CATSPER1: variants seen among roughly 807,000 people sequenced by gnomAD.
CATSPER1 encodes the protein cation channel sperm-associated protein 1.
A neutral mutation model predicts 72.7 loss-of-function variants in CATSPER1; 57 were observed. That is an observed-to-expected ratio of 0.78 (90% CI 0.63 to 0.98). The LOEUF (loss-of-function observed/expected upper bound fraction) is 0.98. CATSPER1 is among the 50% of genes least tolerant of loss of function. The pLI is 0.00. For missense variants in CATSPER1, 910 were observed against 1,033.9 expected (o/e 0.88, Z 1.64); for synonymous variants, 363 against 403.0 (o/e 0.90, Z 1.19).
rs1856329868 is a variant in CATSPER1, at chr11:66,020,284, G to GATCTGGTCC, written c.2064+24_2064+32dup. The GATCTGGTCC allele has an allele frequency of 6.2e-7, 1 of 1,613,990 alleles. No homozygotes were observed. The highest frequency in any genetic ancestry group is 1.3e-5 in the African/African-American group (1 of 75,050). On this transcript the variant is annotated intron_variant, in intron 8 of 11. Transcript: ENST00000312106. This position sits in a 1 kb window ranked among gnomAD's most constrained non-coding sequence, Gnocchi z 4.5. ...CCTGGCCTCACTCCTCCAGCTTCCT[G>GATCTGGTCC]ATCTGGTCCACCTGTCCCACCCCAC...
Position 66,020,245 on chromosome 11 carries a change from C to T in CATSPER1, c.2065-45G>A. 1 of 1,614,020 alleles carries T rather than the reference C, an allele frequency of 6.2e-7. No individual in the cohort carries two copies. The highest frequency in any genetic ancestry group is 1.3e-5 in the African/African-American group (1 of 75,052). On this transcript the variant is annotated intron_variant, in intron 8 of 11. Transcript: ENST00000312106. The surrounding 1 kb of genome is among the most constrained non-coding windows in gnomAD (Gnocchi z 4.5). Reference sequence around the variant, plus strand: ...GATCTGCCAGAGTCCCAGGCCTGCTCAACCCTGGAGGCCCCTGGCCTCACT... The same window carrying T: ...GATCTGCCAGAGTCCCAGGCCTGCTTAACCCTGGAGGCCCCTGGCCTCACT...
At position 66,026,108 on chromosome 11, in the gene CATSPER1, T is replaced by C. The variant is rs778740122; in HGVS notation, c.272A>G (p.His91Arg). ...AGCCAGACCAAAGCCTGTGGGGCCA[T>C]GGGCTCTGCCGTGATTCCGTGCCTC... is the stretch of plus-strand genomic sequence containing the variant. The part of the protein sequence containing the change: ...HSEARNHGRA[H>R]GPTGFGLAPS... The change falls in exon 1 of 12, where the codon CAT becomes CGT. Residue 91 changes from histidine to arginine, a missense_variant. His to Arg is a conservative substitution (Grantham distance 29). Transcript: ENST00000312106. The C allele has an allele frequency of 1.6e-5, 26 of 1,611,600 alleles. No individual in the cohort carries two copies. The highest frequency in any genetic ancestry group is 2.0e-5 in the Non-Finnish European group (24 of 1,177,992).
chr11:66,025,265 G>A lies in CATSPER1; in HGVS notation c.1115C>T (p.Ser372Leu), dbSNP rs766186144. 2.5e-6 allele frequency: 4 copies of A among 1,614,204 alleles called. No individual in the cohort carries two copies. In the Admixed American group the frequency reaches 6.7e-5, roughly 27 times the overall value. The part of the protein sequence containing the change: ...SMTRSSSTIR[S>L]RVTQMSKKVH... ...TTTTTTGGACATCTGGGTGACACGT[G>A]AGCGGATTGTGCTGGAGGACCGAGT... The change falls in exon 1 of 12, where the codon TCA becomes TTA. Residue 372 changes from serine to leucine, a missense_variant. Ser to Leu is a moderately radical substitution (Grantham distance 145). Coordinates refer to ENST00000312106, the MANE Select transcript of CATSPER1 (RefSeq NM_053054.4).
At chr11:66,022,717 GCCATCTACTTC>G in intron 2 of CATSPER1, 121 bp downstream of exon 2, 1 of 829,798 alleles carries the variant, frequency 1.2e-6, no homozygotes, top group Non-Finnish European at 2.0e-6. Flanking sequence ...ACTGGGTAAG[GCCATCTACTTC>G]CCAGGGGTGA....
intron 1 of CATSPER1, 42 bp from the exon 2 acceptor site, chr11:66,023,103 G>A (rs1590685149): frequency 1.3e-6 from 2 of 1,573,472 alleles, no homozygotes; most frequent in Non-Finnish European, 8.7e-7. Context: ...GTGCAAGAGG[G>A]GACACGAGGT....
In CATSPER1 at chr11:66,021,128, G is replaced by A. The variant is rs773003205; in HGVS notation, c.1749C>T (p.Ile583=). ...TAAACATGAGGATGAGGATGGCTGC[G>A]ATGGACGGCAAGGACTGGCCCAGGG... The part of the protein sequence containing the change: ...TGTLGQSLPS[I]AAILILMFTC... The change falls in exon 5 of 12, where the codon ATC becomes ATT. Residue 583 remains isoleucine, a synonymous_variant. Coordinates refer to ENST00000312106, the MANE Select transcript of CATSPER1 (RefSeq NM_053054.4). The A allele has an allele frequency of 2.5e-6, 4 of 1,613,236 alleles. No homozygotes were observed. The highest frequency in any genetic ancestry group is 2.2e-5 in the East Asian group (1 of 44,864).
At position 66,025,857 on chromosome 11, in the gene CATSPER1, G is replaced by A. The variant is rs1251954543; in HGVS notation, c.523C>T (p.His175Tyr). ...CCATGGGGGAGGTAGGACCCACCAT[G>A]GTGGGAAGCCTCACCGTGGTGGGGC... is the stretch of plus-strand genomic sequence containing the variant. ...GVPHHGEASH[H>Y]GGSYLPHGPN... is the part of the protein sequence containing the mutation. Residue 175 changes from histidine (H) to tyrosine (Y), a missense_variant, in exon 1 of 12, where the codon CAT becomes TAT. Physicochemically the swap from His to Tyr is moderately conservative, Grantham distance 83 (BLOSUM62 2). Transcript: ENST00000312106. The A allele has an allele frequency of 1.2e-6, 2 of 1,613,322 alleles. No individual in the cohort carries two copies. Among genetic ancestry groups the A allele is most frequent in the African/African-American group, 2.7e-5 (2 of 74,694 alleles).
chr11:66,023,113 T>C (rs528000865), intron 1 of CATSPER1, 52 bp from the exon 2 acceptor site: 1 of 1,525,658 alleles, frequency 6.6e-7, no homozygotes, highest in South Asian at 1.1e-5. Context: ...GGACACGAGG[T>C]CCCAGGCACC....
rs561090554 is a variant in CATSPER1 at position 66,018,749 on chromosome 11, C to G, written c.2201+78G>C. On this transcript the variant is annotated intron_variant, in intron 10 of 11. Transcript: ENST00000312106. Reference sequence around the variant, plus strand: ...CCTTCTAGAGGGGCAGGCAATGTCCCTTTCCCTCCAGCCCTCCAGCCAGGC... The same window carrying G: ...CCTTCTAGAGGGGCAGGCAATGTCCGTTTCCCTCCAGCCCTCCAGCCAGGC... 58 of 1,490,976 alleles carry G rather than the reference C, an allele frequency of 3.9e-5. No individual in the cohort carries two copies. In the African/African-American group the frequency reaches 7.4e-4, roughly 19 times the overall value. The allele number at this position is 1,490,976 out of a possible 1,614,324, so 92.4% of individuals were successfully genotyped here.
In CATSPER1 at chr11:66,016,858, G is replaced by C; in HGVS notation, c.*32C>G. On this transcript the variant is annotated 3_prime_UTR_variant, in exon 12 of 12. Transcript: ENST00000312106. ...GCACCCAGGTGGGCAGACTGCCAGG[G>C]GCTGAAGTCTGTATCTGGTGTCCTC... 1 of 1,610,386 alleles carries C rather than the reference G, an allele frequency of 6.2e-7. No individual in the cohort carries two copies. The highest frequency in any genetic ancestry group is 1.3e-5 in the African/African-American group (1 of 74,966).
intron 9 of CATSPER1, among the ~76,000 whole-genome samples, chr11:66,019,774 G>A (rs1444626758): frequency 6.6e-6 from 1 of 151,864 alleles, no homozygotes; most frequent in Non-Finnish European, 1.5e-5. Flanking sequence ...AACATTAGGC[G>A]AGTGTGCTGG....
chr11:66,018,640 A>G, intron 10 of CATSPER1, 187 bp downstream of exon 10: 1 of 632,498 alleles, frequency 1.6e-6, no homozygotes, highest in Non-Finnish European at 2.8e-6. Context: ...GCCAGGTGGC[A>G]CACACACCTC....
intron 1 of CATSPER1, among the ~76,000 whole-genome samples, chr11:66,023,620 G>A (rs556251532): frequency 3.3e-5 from 5 of 151,832 alleles, no homozygotes; most frequent in African/African-American, 1.2e-4. Context: ...TGAGGCAGGC[G>A]GATCACTGGA....
Position 66,017,183 on chromosome 11 carries a change from G to T in CATSPER1, c.2202-9C>A. 1.2e-5 allele frequency: 18 copies of T among 1,516,480 alleles called. No individual in the cohort carries two copies. The highest frequency in any genetic ancestry group is 3.5e-5 in the South Asian group (3 of 85,380). The allele number at this position is 1,516,480 out of a possible 1,614,324, so 93.9% of individuals were successfully genotyped here. A position where few individuals can be genotyped will look rare whatever the true frequency, so the allele number is the denominator to read the frequency against. The stretch of plus-strand genomic sequence containing the variant: ...ACAGGAGCTCCTGCTGCCTGCGGGT[G>T]GGCGGGGGGGTCGCAGAGACAGGGG... On this transcript the variant is annotated splice_polypyrimidine_tract_variant and intron_variant, in intron 10 of 11. Coordinates refer to ENST00000312106, the MANE Select transcript of CATSPER1 (RefSeq NM_053054.4).
In CATSPER1 at chr11:66,019,650, G is replaced by A. The variant is rs528042409; in HGVS notation, c.2125+490C>T. 7.8e-4 allele frequency among the ~76,000 whole-genome samples: 119 copies of A among 152,144 alleles called. 1 individual carries two copies. The highest frequency in any genetic ancestry group is 2.6e-3 in the African/African-American group (108 of 41,518). ...CACACCTGCAATCTCAGCACTTTGG[G>A]AGGCTGAGGTGGGAGGATCATCTGA... On this transcript the variant is annotated intron_variant, in intron 9 of 11. Transcript: ENST00000312106.
chr11:66,020,921 C>A lies in CATSPER1; in HGVS notation c.1817G>T (p.Arg606Leu). The A allele has an allele frequency of 6.2e-7, 1 of 1,614,014 alleles. No homozygotes were observed. Among genetic ancestry groups the A allele is most frequent in the Non-Finnish European group, 8.5e-7 (1 of 1,180,024 alleles). Residue 606 changes from arginine to leucine, a missense_variant, in exon 6 of 12, where the codon CGC becomes CTC. Physicochemically the swap from Arg to Leu is moderately radical, Grantham distance 102 (BLOSUM62 -2). Coordinates refer to ENST00000312106, the MANE Select transcript of CATSPER1 (RefSeq NM_053054.4). This position sits in a 1 kb window ranked among gnomAD's most constrained non-coding sequence, Gnocchi z 4.5. ...CTGGAAGCGCTTGGGGTCAGATTTG[C>A]GGAACAGTGCCCGGAGGACCGCGGA... ...LFSAVLRALF[R>L]KSDPKRFQNI...
intron 4 of CATSPER1, 39 bp from the exon 5 acceptor site, chr11:66,021,224 G>C (rs1401352372): frequency 1.3e-6 from 2 of 1,577,280 alleles, no homozygotes; most frequent in East Asian, 4.5e-5. Flanking sequence ...CATCGGTGAG[G>C]GGCGGGGGTG....
rs1355276404 is a variant in CATSPER1 at position 66,021,077 on chromosome 11, C to G, written c.1783+17G>C. 1.9e-6 allele frequency: 3 copies of G among 1,609,032 alleles called. No individual in the cohort carries two copies. The highest frequency in any genetic ancestry group is 2.5e-6 in the Non-Finnish European group (3 of 1,177,832). On this transcript the variant is annotated intron_variant, in intron 5 of 11. Transcript: ENST00000312106. Reference sequence around the variant, plus strand: ...GCCCCTCAGGCCCCCACCCCAGCCCCTGCAGCACCAGGATACAGAGGCAGG... The same window carrying G: ...GCCCCTCAGGCCCCCACCCCAGCCCGTGCAGCACCAGGATACAGAGGCAGG...
intron 10 of CATSPER1, 109 bp from the exon 11 acceptor site, chr11:66,017,283 CAAAA>C (rs1856258926): frequency 1.4e-6 from 1 of 727,088 alleles, no homozygotes; most frequent in Non-Finnish European, 2.3e-6. Context: ...CTCCTCCCCA[CAAAA>C]TTTATATGAC....
Sources: allele counts gnomAD v4.1 joint callset (sites outside exome capture counted in the v4.1 genomes callset), GRCh38; gene constraint gnomAD v4.1.1; non-coding constraint Gnocchi (gnomAD v3.1); transcripts MANE v1.5; gene names NCBI Gene and HGNC (gene_info 2026-07-23, HGNC 2026-07-21).